Variants in ERRFI1 observed in about 807,000 individuals in gnomAD.
The protein encoded by ERRFI1 is ERBB receptor feedback inhibitor 1.
Under a neutral mutation model 14.6 loss-of-function variants are expected in ERRFI1, and 12 were observed. The ratio of observed to expected loss-of-function variants is 0.82; its 90% CI spans 0.53 to 1.33. ERRFI1 has a LOEUF of 1.33. Among genes scored for constraint, ERRFI1 ranks in the 40% most tolerant of loss-of-function variants. The probability of loss-of-function intolerance (pLI) is 0.00; values close to 1 mark genes in which losing one functional copy is unlikely to be tolerated. For synonymous variants in ERRFI1, 202 were observed against 209.9 expected (o/e 0.96, Z 0.32); for missense variants, 482 against 572.1 (o/e 0.84, Z 1.61).
rs761537366 is a variant in ERRFI1 at position 8,013,266 on chromosome 1, T to C, written c.1333A>G (p.Met445Val). Residue 445 changes from methionine (M) to valine (V), a missense_variant, in exon 4 of 4, where the codon ATG becomes GTG. Coordinates refer to ENST00000377482, the MANE Select transcript of ERRFI1 (RefSeq NM_018948.4). The surrounding 1 kb of genome is among the most constrained non-coding windows in gnomAD (Gnocchi z 4.3). Reference sequence around the variant, plus strand: ...CGCTTCACGTGGCCACCCAGATCCATTTTTGTTTTTGAGTCTGGCTTTTCT... The same window carrying C: ...CGCTTCACGTGGCCACCCAGATCCACTTTTGTTTTTGAGTCTGGCTTTTCT... ...ATEKPDSKTKMDLGGHVKRKH... is the reference protein window; with the variant it reads ...ATEKPDSKTKVDLGGHVKRKH... The C allele has an allele frequency of 9.3e-6, 15 of 1,613,976 alleles. No homozygotes were observed. Among genetic ancestry groups the C allele is most frequent in the African/African-American group, 4.0e-5 (3 of 74,894 alleles).
chr1:8,020,709 T>C (rs1641263522), intron 1 of ERRFI1, among the ~76,000 whole-genome samples: 1 of 152,060 alleles, frequency 6.6e-6, no homozygotes, highest in Admixed American at 6.6e-5. Context: ...CTCGCCAGGC[T>C]AATTTTTGTA....
intron 1 of ERRFI1, among the ~76,000 whole-genome samples, chr1:8,025,445 A>G (rs1641330922): frequency 6.6e-6 from 1 of 152,188 alleles, no homozygotes; most frequent in Non-Finnish European, 1.5e-5. Flanking sequence ...CGTTTCTAGG[A>G]GAGAAGGAAG....
At chr1:8,025,531 G>C (rs765805218) in intron 1 of ERRFI1, among the ~76,000 whole-genome samples, 21 of 152,178 alleles carry the variant, frequency 1.4e-4, no homozygotes, top group Non-Finnish European at 2.4e-4. Context: ...TAGGCAGAGG[G>C]AGCGGGGCTG....
In ERRFI1 at chr1:8,013,370, A is replaced by C; in HGVS notation, c.1229T>G (p.Phe410Cys). 1 of 1,614,186 alleles carries C rather than the reference A, an allele frequency of 6.2e-7. No individual in the cohort carries two copies. The highest frequency in any genetic ancestry group is 2.2e-5 in the East Asian group (1 of 44,880). ...RPPYLDKYEK[F>C]FREAEETNGG... The stretch of plus-strand genomic sequence containing the variant: ...ATTTGTTTCTTCTGCTTCCCTAAAA[A>C]ATTTTTCATATTTGTCCAGGTATGG... Residue 410 changes from phenylalanine (F) to cysteine (C), a missense_variant, in exon 4 of 4, where the codon TTT (phenylalanine) becomes TGT (cysteine). Physicochemically the swap from Phe to Cys is radical, Grantham distance 205. Coordinates refer to ENST00000377482, the MANE Select transcript of ERRFI1 (RefSeq NM_018948.4). The surrounding 1 kb of genome is among the most constrained non-coding windows in gnomAD (Gnocchi z 4.3).
rs1388253289 is a variant in ERRFI1 at position 8,013,523 on chromosome 1, A to G, written c.1076T>C (p.Val359Ala). The G allele has an allele frequency of 6.2e-7, 1 of 1,613,970 alleles. No individual in the cohort carries two copies. Among genetic ancestry groups the G allele is most frequent in the Non-Finnish European group, 8.5e-7 (1 of 1,180,042 alleles). The change falls in exon 4 of 4, where the codon GTC (valine) becomes GCC (alanine). Residue 359 changes from valine (V) to alanine (A), a missense_variant. Transcript: ENST00000377482. The surrounding 1 kb of genome is among the most constrained non-coding windows in gnomAD (Gnocchi z 4.3). ...CTGTCTTTGCAGTGCTTTGCTGCTG[A>G]CATACTTGGGATCAGGGGCAAAGCT... is the stretch of plus-strand genomic sequence containing the variant. ...TQSFAPDPKY[V>A]SSKALQRQNS...
At chr1:8,025,280 A>C (rs1031786228) in intron 1 of ERRFI1, among the ~76,000 whole-genome samples, 1 of 152,246 alleles carries the variant, frequency 6.6e-6, no homozygotes, top group African/African-American at 2.4e-5. Context: ...ATACAGCACC[A>C]TTCACGGTTA....
At position 8,014,186 on chromosome 1, in the gene ERRFI1, G is replaced by A. The variant is rs755160538; in HGVS notation, c.413C>T (p.Ser138Phe). 1 of 1,614,200 alleles carries A rather than the reference G, an allele frequency of 6.2e-7. No homozygotes were observed. Among genetic ancestry groups the A allele is most frequent in the Non-Finnish European group, 8.5e-7 (1 of 1,180,040 alleles). ...PPLTPIKNSP[S>F]LFPCAPLCER... ...ACAAAGAGGGGCACAGGGGAAAAGG[G>A]AAGGGGAGTTTTTTATGGGTGTCAG... Residue 138 changes from serine to phenylalanine, a missense_variant, in exon 4 of 4, where the codon TCC (serine) becomes TTC (phenylalanine). Physicochemically the swap from Ser to Phe is radical, Grantham distance 155 (BLOSUM62 -2). Transcript: ENST00000377482.
chr1:8,023,798 C>G (rs1641304806), intron 1 of ERRFI1, among the ~76,000 whole-genome samples: 1 of 152,198 alleles, frequency 6.6e-6, no homozygotes, highest in South Asian at 2.1e-4. Context: ...TTAGGACCCT[C>G]AAACTCATTC....
Position 8,014,892 on chromosome 1 carries a change from A to G in ERRFI1, c.202+416T>C, listed in dbSNP as rs952833131. 7 of 205,256 alleles carry G rather than the reference A, an allele frequency of 3.4e-5. No homozygotes were observed. The South Asian group carries it at 6.1e-4, about 18-fold the overall frequency. 12.7% of individuals were successfully genotyped at this position (205,256 alleles called of 1,614,324 possible). A position where few individuals can be genotyped will look rare whatever the true frequency, so the allele number is the denominator to read the frequency against. On this transcript the variant is annotated intron_variant, in intron 3 of 3. Coordinates refer to ENST00000377482, the MANE Select transcript of ERRFI1 (RefSeq NM_018948.4). ...AGCTCTTGACAAAGATCCAAGGAAC[A>G]GAATATTCACATTAAAAATACTATT... is the stretch of plus-strand genomic sequence containing the variant.
At chr1:8,014,558 T>A in intron 3 of ERRFI1, 162 bp from the exon 4 acceptor site, 8 of 627,988 alleles carry the variant, frequency 1.3e-5, no homozygotes, top group Non-Finnish European at 2.2e-5. Flanking sequence ...ACAGGTGTAA[T>A]TAGAGAGCAG....
intron 1 of ERRFI1, among the ~76,000 whole-genome samples, chr1:8,022,389 A>T (rs935969725): frequency 1.3e-5 from 2 of 152,240 alleles, no homozygotes; most frequent in Non-Finnish European, 2.9e-5. Context: ...TAACAATAGC[A>T]TACCTTATAT....
At chr1:8,022,337 A>G (rs1044265194) in intron 1 of ERRFI1, among the ~76,000 whole-genome samples, 1 of 152,234 alleles carries the variant, frequency 6.6e-6, no homozygotes, top group Non-Finnish European at 1.5e-5. Flanking sequence ...ATGGATCCCA[A>G]TGATGGCATT....
At chr1:8,022,897 T>C (rs1410479711) in intron 1 of ERRFI1, among the ~76,000 whole-genome samples, 1 of 152,158 alleles carries the variant, frequency 6.6e-6, no homozygotes, top group Admixed American at 6.5e-5. Flanking sequence ...GAAGAAGCCT[T>C]CCATCTAATG....
At chr1:8,017,587 A>G (rs1358300289) in intron 1 of ERRFI1, among the ~76,000 whole-genome samples, 1 of 152,236 alleles carries the variant, frequency 6.6e-6, no homozygotes, top group Non-Finnish European at 1.5e-5. Context: ...TGGTTTATCA[A>G]GCTTTTTCTA....
rs773932474 is a variant in ERRFI1 at position 8,014,285 on chromosome 1, G to A, written c.314C>T (p.Pro105Leu). 1.2e-6 allele frequency: 2 copies of A among 1,614,112 alleles called. No individual in the cohort carries two copies. The highest frequency in any genetic ancestry group is 1.7e-6 in the Non-Finnish European group (2 of 1,179,968). ...ACATACAACTTGATCCTCTTCATGT[G>A]GTCCCAAGTTTTCACTTGGGGGAAT... ...LLIPPSENLG[P>L]HEEDQVVCGF... is the part of the protein sequence containing the mutation. The change falls in exon 4 of 4, where the codon CCA (proline) becomes CTA (leucine). Residue 105 changes from proline to leucine, a missense_variant. By Grantham distance (98) the Pro-to-Leu change is moderately conservative (BLOSUM62 -3). Coordinates refer to ENST00000377482, the MANE Select transcript of ERRFI1 (RefSeq NM_018948.4).
chr1:8,015,209 G>T, intron 3 of ERRFI1, 99 bp downstream of exon 3: 2 of 1,048,624 alleles, frequency 1.9e-6, no homozygotes, highest in South Asian at 1.3e-5. Context: ...AAATAGTTCA[G>T]GTTTCCTCAT....
At chr1:8,026,132 C>A (rs1330588030) in intron 1 of ERRFI1, 26 bp downstream of exon 1, 2 of 151,774 alleles carry the variant, frequency 1.3e-5, no homozygotes, top group East Asian at 1.9e-4. Flanking sequence ...GCCCTCCCCA[C>A]CCCCTCAGCG....
intron 1 of ERRFI1, among the ~76,000 whole-genome samples, chr1:8,020,326 C>T (rs1384269814): frequency 6.6e-6 from 1 of 151,966 alleles, no homozygotes; most frequent in African/African-American, 2.4e-5. Context: ...CTTTTCAGTT[C>T]CATTTAAGAA....
chr1:8,023,995 A>T (rs1465671784), intron 1 of ERRFI1, among the ~76,000 whole-genome samples: 1 of 152,226 alleles, frequency 6.6e-6, no homozygotes, highest in Non-Finnish European at 1.5e-5. Context: ...TTAGATCAAG[A>T]GCAGAGTTGT....
Sources: gnomAD v4.1 joint callset for allele counts (sites outside exome capture counted in the v4.1 genomes callset) on GRCh38, gnomAD v4.1.1 for gene constraint, Gnocchi (gnomAD v3.1) non-coding constraint, MANE v1.5 for transcripts, NCBI Gene and HGNC (gene_info 2026-07-23, HGNC 2026-07-21) for gene names.